SLC5A1: variants seen among roughly 807,000 people sequenced by gnomAD.
SLC5A1 encodes the protein solute carrier family 5 member 1, also known as sodium/glucose cotransporter 1.
SLC5A1 carries 42 observed loss-of-function variants against 73.5 expected under a neutral mutation model. The observed-to-expected ratio is 0.57, with a 90% CI of 0.45 to 0.74. The LOEUF (loss-of-function observed/expected upper bound fraction) is 0.74, where lower values mean the gene tolerates loss of function less well. SLC5A1 is among the 30% of genes least tolerant of loss of function. The pLI is 0.00. For missense variants in SLC5A1, 634 were observed against 855.4 expected (o/e 0.74, Z 3.23); for synonymous variants, 300 against 317.4 (o/e 0.95, Z 0.58).
chr22:32,102,387 AAAT>A, intron 13 of SLC5A1, 150 bp downstream of exon 13: 1 of 679,606 alleles, frequency 1.5e-6, no homozygotes, highest in South Asian at 1.7e-5. Flanking sequence ...ATACAATATA[AAAT>A]AATCAAATCA....
intron 2 of SLC5A1, among the ~76,000 whole-genome samples, chr22:32,065,116 T>C (rs1327247992): frequency 6.6e-6 from 1 of 152,056 alleles, no homozygotes; most frequent in Non-Finnish European, 1.5e-5. Context: ...GCTAAGTTTT[T>C]ACATTTTTTT....
At chr22:32,053,012 T>C (rs557834603) in intron 2 of SLC5A1, among the ~76,000 whole-genome samples, 53 of 152,218 alleles carry the variant, frequency 3.5e-4, no homozygotes, top group Admixed American at 5.9e-4. Flanking sequence ...TAGAGAAAAA[T>C]TGTTGTTGTT....
At chr22:32,075,634 G>A (rs1401216164) in intron 5 of SLC5A1, among the ~76,000 whole-genome samples, 1 of 152,098 alleles carries the variant, frequency 6.6e-6, no homozygotes, top group Non-Finnish European at 1.5e-5. Flanking sequence ...AAAATGAAGA[G>A]AGCCAGTTAA....
rs2094054264 is a variant in SLC5A1 at position 32,110,330 on chromosome 22, T to C, written c.*117T>C. 1.6e-5 allele frequency: 12 copies of C among 754,902 alleles called. No homozygotes were observed. The highest frequency in any genetic ancestry group is 1.5e-4 in the South Asian group (10 of 68,128). The allele number at this position is 754,902 out of a possible 1,614,324, so 46.8% of individuals were successfully genotyped here. A position where few individuals can be genotyped will look rare whatever the true frequency, so the allele number is the denominator to read the frequency against. On this transcript the variant is annotated 3_prime_UTR_variant, in exon 15 of 15. Coordinates refer to ENST00000266088, the MANE Select transcript of SLC5A1 (RefSeq NM_000343.4). ...TGTAAATTTTGCCCAGGTGGATAAA[T>C]GTGTACATGTGTAATTATAGGCTAG...
chr22:32,065,072 T>G lies in SLC5A1; in HGVS notation c.208-1863T>G, dbSNP rs551565679. Among the ~76,000 whole-genome samples the G allele has an allele frequency of 1.4e-3, 220 of 152,188 alleles. 2 individuals carry two copies. Among genetic ancestry groups the G allele is most frequent in the Middle Eastern group, 0.014 (4 of 294 alleles). ...GATCCTCCCTCCTCAGCCTCCTAAG[T>G]AGGTAGTACTACAGGCACGCACCAC... On this transcript the variant is annotated intron_variant, in intron 2 of 14. Transcript: ENST00000266088.
At chr22:32,085,740 G>C (rs868416578) in intron 9 of SLC5A1, among the ~76,000 whole-genome samples, 1 of 151,864 alleles carries the variant, frequency 6.6e-6, no homozygotes, top group African/African-American at 2.4e-5. Flanking sequence ...AGTGTGTCAG[G>C]GCCAGCAGGG....
intron 1 of SLC5A1, among the ~76,000 whole-genome samples, chr22:32,049,445 A>G (rs1448003570): frequency 5.2e-5 from 7 of 133,726 alleles, no homozygotes; most frequent in African/African-American, 1.4e-4. Flanking sequence ...GGGTGTTGCT[A>G]TGTTGCCCAG....
intron 1 of SLC5A1, among the ~76,000 whole-genome samples, chr22:32,047,632 T>C (rs1259344151): frequency 6.6e-6 from 1 of 151,928 alleles, no homozygotes; most frequent in African/African-American, 2.4e-5. Flanking sequence ...CACATGGGGG[T>C]GCTCAAGAAA....
chr22:32,105,686 A>G (rs1474726877), intron 14 of SLC5A1, among the ~76,000 whole-genome samples: 1 of 151,946 alleles, frequency 6.6e-6, no homozygotes, highest in Non-Finnish European at 1.5e-5. Flanking sequence ...CATTCTTTCT[A>G]TTTTTTTGTT....
At chr22:32,102,603 A>G (rs945690721) in intron 13 of SLC5A1, among the ~76,000 whole-genome samples, 9 of 152,144 alleles carry the variant, frequency 5.9e-5, no homozygotes, top group African/African-American at 2.2e-4. Context: ...TCTGTCTTTA[A>G]ATTATATGTA....
At chr22:32,109,498 T>C (rs936265694) in intron 14 of SLC5A1, among the ~76,000 whole-genome samples, 1 of 152,160 alleles carries the variant, frequency 6.6e-6, no homozygotes, top group African/African-American at 2.4e-5. Context: ...GACCAGTTCT[T>C]ACCACCTGGC....
At chr22:32,093,588 C>CTTT (rs557285566) in intron 11 of SLC5A1, among the ~76,000 whole-genome samples, 1 of 146,618 alleles carries the variant, frequency 6.8e-6, no homozygotes, top group Admixed American at 6.8e-5. Context: ...CTCTCTCTTT[C>CTTT]TTTTTTTTTT....
intron 5 of SLC5A1, among the ~76,000 whole-genome samples, chr22:32,076,845 C>T (rs1017654772): frequency 2.0e-5 from 3 of 152,224 alleles, no homozygotes; most frequent in Non-Finnish European, 4.4e-5. Flanking sequence ...TGCTTTCCAA[C>T]GGGGGTCTGT....
intron 11 of SLC5A1, 139 bp from the exon 12 acceptor site, chr22:32,099,044 C>T (rs934312715): frequency 3.3e-5 from 6 of 181,470 alleles, no homozygotes; most frequent in African/African-American, 1.0e-4. Flanking sequence ...GGAGATGCAC[C>T]GCTGCACTCC....
intron 11 of SLC5A1, among the ~76,000 whole-genome samples, chr22:32,092,638 T>A (rs1197180453): frequency 1.3e-5 from 2 of 152,182 alleles, no homozygotes; most frequent in East Asian, 3.9e-4. Context: ...TTACAGTCAT[T>A]CTTGGAGTAA....
chr22:32,109,524 G>A (rs184090097), intron 14 of SLC5A1, among the ~76,000 whole-genome samples: 50 of 152,346 alleles, frequency 3.3e-4, no homozygotes, highest in Admixed American at 2.4e-3. Context: ...CTGTTGTGAA[G>A]CCTTAGAATG....
At chr22:32,102,532 C>T (rs1473596056) in intron 13 of SLC5A1, among the ~76,000 whole-genome samples, 1 of 152,046 alleles carries the variant, frequency 6.6e-6, no homozygotes, top group Non-Finnish European at 1.5e-5. Context: ...CTTTGGGAGG[C>T]CAAGGTGGGA....
At chr22:32,060,150 C>CATATATAT (rs1408523603) in intron 2 of SLC5A1, among the ~76,000 whole-genome samples, 1 of 29,908 alleles carries the variant, frequency 3.3e-5, no homozygotes, top group Non-Finnish European at 1.4e-4. Context: ...CACATACACA[C>CATATATAT]ACACACACAC....
intron 1 of SLC5A1, among the ~76,000 whole-genome samples, chr22:32,049,577 T>C (rs1004320578): frequency 1.3e-5 from 2 of 150,872 alleles, no homozygotes; most frequent in African/African-American, 2.4e-5. Context: ...AAAATAAATA[T>C]AGCATTCATT....
Sources: gnomAD v4.1 joint callset for allele counts (sites outside exome capture counted in the v4.1 genomes callset) on GRCh38, gnomAD v4.1.1 for gene constraint, MANE v1.5 for transcripts, NCBI Gene and HGNC (gene_info 2026-07-23, HGNC 2026-07-21) for gene names.